Variants in RALGPS2 observed in about 807,000 individuals in gnomAD.
RALGPS2 encodes Ral GEF with PH domain and SH3 binding motif 2, also known as ras-specific guanine nucleotide-releasing factor RalGPS2.
In RALGPS2, 43 loss-of-function variants were observed where a neutral mutation model predicts 86.8. The ratio of observed to expected loss-of-function variants is 0.50; its 90% CI spans 0.39 to 0.64. The LOEUF is 0.64. Among genes scored for constraint, RALGPS2 ranks in the 30% least tolerant of loss-of-function variants. The pLI, the probability that RALGPS2 is intolerant of heterozygous loss-of-function variation, is 0.00. For missense variants in RALGPS2, 536 were observed against 694.6 expected, an observed-to-expected ratio of 0.77 and a Z score of 2.57; for synonymous variants, 243 against 231.3, an observed-to-expected ratio of 1.05 and a Z score of -0.46.
intron 7 of RALGPS2, among the ~76,000 whole-genome samples, chr1:178,823,313 T>G (rs1455792317): frequency 1.3e-5 from 2 of 152,254 alleles, no homozygotes; most frequent in Admixed American, 1.3e-4. Context: ...TATTTCATAC[T>G]GTGCTATGCA....
chr1:178,849,616 T>C (rs1051699135), intron 8 of RALGPS2: 1 of 151,644 alleles, frequency 6.6e-6, no homozygotes, highest in Non-Finnish European at 1.5e-5. Context: ...AGGAATCTTA[T>C]AACAGATTCT....
At chr1:178,795,065 A>T (rs1439467700) in intron 4 of RALGPS2, among the ~76,000 whole-genome samples, 2 of 151,988 alleles carry the variant, frequency 1.3e-5, no homozygotes, top group African/African-American at 2.4e-5. Context: ...CTGTAATTCC[A>T]GCTACTCGGG....
rs1263140675 is a variant in RALGPS2 at position 178,916,831 on chromosome 1, A to T, written c.*472A>T. On this transcript the variant is annotated 3_prime_UTR_variant, in exon 20 of 20. Transcript: ENST00000367635. ...GCTGGTTTTGAACCGAGGTGAAGAG[A>T]CTTAGCAGGGATTGTACCAGCAGCC... 6.5e-6 allele frequency: 1 copy of T among 153,628 alleles called. No homozygotes were observed. Among genetic ancestry groups the T allele is most frequent in the African/African-American group, 2.4e-5 (1 of 41,472 alleles). The allele number at this position is 153,628 out of a possible 1,614,324, so 9.5% of individuals were successfully genotyped here.
At chr1:178,871,232 G>A (rs558978411) in intron 8 of RALGPS2, among the ~76,000 whole-genome samples, 1 of 152,186 alleles carries the variant, frequency 6.6e-6, no homozygotes, top group South Asian at 2.1e-4. Context: ...AGGTTGAATA[G>A]TTTTGAACAA....
chr1:178,784,207 G>T (rs1393445703), intron 2 of RALGPS2, among the ~76,000 whole-genome samples: 1 of 152,076 alleles, frequency 6.6e-6, no homozygotes, highest in Non-Finnish European at 1.5e-5. Flanking sequence ...ACTCATTCAA[G>T]AACCTAAAAA....
chr1:178,844,295 G>A (rs568683580), intron 8 of RALGPS2, among the ~76,000 whole-genome samples: 100 of 152,246 alleles, frequency 6.6e-4, no homozygotes, highest in African/African-American at 2.3e-3. Flanking sequence ...TTAACATGAG[G>A]TATATGGTCC....
chr1:178,768,743 C>G (rs1233454868), intron 1 of RALGPS2, among the ~76,000 whole-genome samples: 1 of 152,196 alleles, frequency 6.6e-6, no homozygotes, highest in Non-Finnish European at 1.5e-5. Flanking sequence ...GTGGCAGGCA[C>G]AAGAACCAAG....
At chr1:178,822,501 C>CTTTT (rs113513115) in intron 7 of RALGPS2, among the ~76,000 whole-genome samples, 14,744 of 151,970 alleles carry the variant, frequency 0.097, 1,577 homozygotes, top group African/African-American at 0.27. Context: ...CTTTTTAAAA[C>CTTTT]TTTATTACTA....
intron 8 of RALGPS2, chr1:178,865,252 T>C (rs1658317046): frequency 6.2e-7 from 1 of 1,614,138 alleles, no homozygotes; most frequent in East Asian, 2.2e-5. Context: ...ATTTCACCTC[T>C]AGTTCCCTGT....
intron 18 of RALGPS2, among the ~76,000 whole-genome samples, chr1:178,906,389 C>G (rs1385273790): frequency 1.3e-5 from 2 of 151,296 alleles, no homozygotes; most frequent in African/African-American, 4.9e-5. Context: ...AAAAAAAAAT[C>G]TAATATTTAG....
intron 4 of RALGPS2, among the ~76,000 whole-genome samples, chr1:178,790,376 T>A (rs1572335751): frequency 6.6e-6 from 1 of 152,226 alleles, no homozygotes; most frequent in Non-Finnish European, 1.5e-5. Context: ...ATTAAAGACA[T>A]ATAACAAAGC....
intron 7 of RALGPS2, among the ~76,000 whole-genome samples, chr1:178,831,052 A>G (rs1349919761): frequency 1.3e-5 from 2 of 152,224 alleles, no homozygotes; most frequent in Non-Finnish European, 2.9e-5. Context: ...AGTAATTGCC[A>G]AAGACTAAAA....
chr1:178,908,454 G>T (rs1440816210), intron 19 of RALGPS2, among the ~76,000 whole-genome samples: 1 of 152,218 alleles, frequency 6.6e-6, no homozygotes, highest in Non-Finnish European at 1.5e-5. Flanking sequence ...TCAGTAATGG[G>T]ATTGCTGGGT....
At position 178,916,369 on chromosome 1, in the gene RALGPS2, A is replaced by G. The variant is rs983399576; in HGVS notation, c.*10A>G. 6.3e-6 allele frequency: 10 copies of G among 1,597,408 alleles called. No individual in the cohort carries two copies. The highest frequency in any genetic ancestry group is 3.4e-5 in the Admixed American group (2 of 59,676). On this transcript the variant is annotated 3_prime_UTR_variant, in exon 20 of 20. Coordinates refer to ENST00000367635, the MANE Select transcript of RALGPS2 (RefSeq NM_152663.5). ...GATGACTTTTGAGTAGAAGCCTGAG[A>G]AAAAAAGAGAGGTGAACTGTTGCTT...
intron 1 of RALGPS2, among the ~76,000 whole-genome samples, chr1:178,759,527 CTTTTTTT>C (rs59419655): frequency 8.7e-6 from 1 of 115,056 alleles, no homozygotes; most frequent in African/African-American, 3.0e-5. Flanking sequence ...CAGTTTTGTT[CTTTTTTT>C]TTTTTTTTTT....
At chr1:178,805,276 A>G (rs10798633) in intron 4 of RALGPS2, among the ~76,000 whole-genome samples, 64,300 of 143,842 alleles carry the variant, frequency 0.45, 15,413 homozygotes, top group African/African-American at 0.62. Context: ...GAAGCTCTTT[A>G]GTTTAATTAG....
rs542253376 is a variant in RALGPS2, at chr1:178,876,943, A to G, written c.608-555A>G. ...AAAACATTTCTACCAGATTGAGATA[A>G]TTTTCAAAGTAGTTAAGACTCAAAT... On this transcript the variant is annotated intron_variant, in intron 8 of 19. Transcript: ENST00000367635. Among the ~76,000 whole-genome samples, 32 of 152,276 alleles carry G rather than the reference A, an allele frequency of 2.1e-4. No homozygotes were observed. In the South Asian group the frequency reaches 6.4e-3, roughly 31 times the overall value.
chr1:178,828,900 C>G (rs1245944249), intron 7 of RALGPS2, among the ~76,000 whole-genome samples: 1 of 152,122 alleles, frequency 6.6e-6, no homozygotes, highest in Non-Finnish European at 1.5e-5. Context: ...ATTATGTGAT[C>G]CAGCAATCCC....
At chr1:178,818,561 C>G (rs1471502850) in intron 6 of RALGPS2, among the ~76,000 whole-genome samples, 1 of 152,190 alleles carries the variant, frequency 6.6e-6, no homozygotes, top group Non-Finnish European at 1.5e-5. Flanking sequence ...TCTCTGCTTT[C>G]TAACCCAGCT....
Sources: gnomAD v4.1 joint callset for allele counts (sites outside exome capture counted in the v4.1 genomes callset) on GRCh38, gnomAD v4.1.1 for gene constraint, MANE v1.5 for transcripts, NCBI Gene and HGNC (gene_info 2026-07-23, HGNC 2026-07-21) for gene names.